Variants in RIF1 observed in about 807,000 individuals in gnomAD.
RIF1 encodes the protein replication timing regulatory factor 1.
RIF1 carries 45 observed loss-of-function variants against 247.1 expected under a neutral mutation model. The ratio of observed to expected loss-of-function variants is 0.18; its 90% confidence interval spans 0.14 to 0.23. The LOEUF (loss-of-function observed/expected upper bound fraction) is 0.23. RIF1 is among the 10% of genes least tolerant of loss of function. RIF1 has a pLI of 1.00. For synonymous variants in RIF1, 1,087 were observed against 978.8 expected (o/e 1.11, Z -2.06); for missense variants, 2,967 against 2,862.5 (o/e 1.04, Z -0.83).
rs558563333 is a variant in RIF1 at position 151,502,117 on chromosome 2, G to A, written c.*710-917G>A. On this transcript the variant is annotated intron_variant and NMD_transcript_variant, in intron 11 of 13. Transcript: ENST00000454583. ...TAGTATTGTAAGTGAAGTAACTCAG[G>A]AATGGAAAACCAAACATTGTATGTT... 4.0e-4 allele frequency among the ~76,000 whole-genome samples: 61 copies of A among 152,172 alleles called. 1 individual carries two copies. The highest frequency in any genetic ancestry group is 6.2e-4 in the South Asian group (3 of 4,824).
At chr2:151,486,210 CA>C (rs1451814951), downstream of RIF1, 2 of 317,592 alleles carry the variant, frequency 6.3e-6, no homozygotes, top group Non-Finnish European at 1.2e-5. Context: ...GACATTTCTC[CA>C]AAAAAGATAG....
chr2:151,507,713 C>A, intron 13 of RIF1: 1 of 330,218 alleles, frequency 3.0e-6, no homozygotes, highest in Non-Finnish European at 5.6e-6. Context: ...TCTTGTTAAT[C>A]TGTCTTTTGT....
Position 151,441,952 on chromosome 2 carries a change from T to C in RIF1, c.1695T>C (p.Gly565=), listed in dbSNP as rs891671841. 7 of 1,567,636 alleles carry C rather than the reference T, an allele frequency of 4.5e-6. No homozygotes were observed. The highest frequency in any genetic ancestry group is 1.4e-5 in the African/African-American group (1 of 73,092). ...AAGGACTTCCTCAGAAAGTATTAGG[T>C]TCACCAGCATATCAGGTTGCTAATA... is the stretch of plus-strand genomic sequence containing the variant. The part of the protein sequence containing the change: ...TIKGLPQKVL[G]SPAYQVANMD... Residue 565 remains glycine, a synonymous_variant, in exon 16 of 36, where the codon GGT becomes GGC. Transcript: ENST00000444746.
At chr2:151,470,954 C>G (rs1301007795) in intron 34 of RIF1, among the ~76,000 whole-genome samples, 1 of 152,094 alleles carries the variant, frequency 6.6e-6, no homozygotes, top group South Asian at 2.1e-4. Context: ...AATTCACCTA[C>G]CCTATGGGTG....
intron 14 of RIF1, 29 bp from the exon 15 acceptor site, chr2:151,439,998 A>AAAAAAAAATAAAAAAACC: frequency 1.1e-6 from 1 of 889,658 alleles, no homozygotes; most frequent in Non-Finnish European, 1.8e-6. Flanking sequence ...AAAAAAAAGA[A>AAAAAAAAATAAAAAAACC]CTATACCCTT....
intron 1 of RIF1, 30 bp downstream of exon 1, chr2:151,410,063 G>T: frequency 1.4e-6 from 1 of 702,702 alleles, no homozygotes; most frequent in Non-Finnish European, 2.6e-6. Flanking sequence ...GACAGTGGTA[G>T]GCCGCGGGGA....
chr2:151,447,885 T>C (rs187820148), intron 20 of RIF1, among the ~76,000 whole-genome samples: 1 of 152,310 alleles, frequency 6.6e-6, no homozygotes, highest in East Asian at 1.9e-4. Context: ...TTCTATTATT[T>C]ATTACTGTGT....
chr2:151,522,150 A>G, the RIF1 span, among the ~76,000 whole-genome samples: 4 of 152,200 alleles, frequency 2.6e-5, no homozygotes, highest in African/African-American at 9.6e-5. Context: ...GTGATTTTGC[A>G]TTAATTATAT....
At chr2:151,472,132 A>G (rs1240996329) in intron 34 of RIF1, among the ~76,000 whole-genome samples, 3 of 152,128 alleles carry the variant, frequency 2.0e-5, no homozygotes, top group African/African-American at 7.2e-5. Context: ...CTTTGAAGCA[A>G]TTGTGAATGG....
chr2:151,510,664 ATTG>A (rs1231435546), downstream of RIF1, among the ~76,000 whole-genome samples: 2 of 152,162 alleles, frequency 1.3e-5, no homozygotes, highest in Admixed American at 6.5e-5. Flanking sequence ...TTTATTAGTT[ATTG>A]TTGTTAATCT....
At chr2:151,530,158 T>C in the RIF1 span, among the ~76,000 whole-genome samples, 4 of 152,236 alleles carry the variant, frequency 2.6e-5, no homozygotes, top group Admixed American at 2.6e-4. Context: ...ATTTGATGAA[T>C]GAATGAACTG....
intron 29 of RIF1, 71 bp from the exon 30 acceptor site, chr2:151,462,813 T>A: frequency 8.3e-7 from 1 of 1,198,574 alleles, no homozygotes; most frequent in South Asian, 1.6e-5. Context: ...ACTAAAGTTT[T>A]CCCAGAAAGT....
chr2:151,450,033 G>T (rs902183319), intron 20 of RIF1, among the ~76,000 whole-genome samples: 1 of 151,968 alleles, frequency 6.6e-6, no homozygotes. Context: ...TAGAGACGGG[G>T]TTTCTCCATG....
rs144072006 is a variant in RIF1 at position 151,421,895 on chromosome 2, C to T, written c.694-1055C>T. On this transcript the variant is annotated intron_variant, in intron 7 of 35. Coordinates refer to ENST00000444746, the MANE Select transcript of RIF1 (RefSeq NM_018151.5). ...TGTTGCCCAGGCTGGAGTGCAGTGG[C>T]GCAGTCTCAGCTCACTGCAGCTTCC... Among the ~76,000 whole-genome samples the T allele has an allele frequency of 2.3e-3, 348 of 151,176 alleles. 8 individuals carry two copies. In the East Asian group the frequency reaches 0.045, roughly 20 times the overall value.
chr2:151,429,619 C>G (rs184797637), intron 9 of RIF1, among the ~76,000 whole-genome samples: 14 of 152,222 alleles, frequency 9.2e-5, no homozygotes, highest in African/African-American at 3.4e-4. Flanking sequence ...GGTCACATAA[C>G]CAGTAGATGA....
At chr2:151,517,052 C>T in the RIF1 span, among the ~76,000 whole-genome samples, 30 of 152,124 alleles carry the variant, frequency 2.0e-4, no homozygotes, top group African/African-American at 7.2e-4. Context: ...TATAAGTAAA[C>T]AACTCTATGT....
In RIF1 at chr2:151,416,798, G is replaced by A. The variant is rs749024623; in HGVS notation, c.409-9G>A. ...TATTTCATTTGTATTTATTTGGTTC[G>A]TTTTTTAGGTATCCAGTATAATTGA... On this transcript the variant is annotated splice_polypyrimidine_tract_variant and intron_variant, in intron 5 of 35. Transcript: ENST00000444746. 15 of 1,605,090 alleles carry A rather than the reference G, an allele frequency of 9.3e-6. No homozygotes were observed. Among genetic ancestry groups the A allele is most frequent in the East Asian group, 2.2e-5 (1 of 44,778 alleles).
chr2:151,516,363 A>G, the RIF1 span: 3 of 740,558 alleles, frequency 4.1e-6, no homozygotes, highest in South Asian at 6.2e-5. Context: ...ATCAGCTACC[A>G]CTTTTGGATG....
intron 10 of RIF1, chr2:151,496,138 GA>G: frequency 2.0e-6 from 2 of 1,005,758 alleles, no homozygotes; most frequent in Non-Finnish European, 3.0e-6. Flanking sequence ...TAGCCCAAAG[GA>G]AAAAAGGGTA....
Sources: allele counts gnomAD v4.1 joint callset (sites outside exome capture counted in the v4.1 genomes callset), GRCh38; gene constraint gnomAD v4.1.1; transcripts MANE v1.5; gene names NCBI Gene and HGNC (gene_info 2026-07-23, HGNC 2026-07-21).